Variants in CSMD2 observed in about 807,000 individuals in gnomAD.
CSMD2 encodes the protein CUB and sushi domain-containing protein 2.
In CSMD2, 130 loss-of-function variants were observed where a neutral mutation model predicts 398.5. The observed-to-expected ratio is 0.33, with a 90% confidence interval of 0.28 to 0.38. CSMD2 has a LOEUF of 0.38. Among genes scored for constraint, CSMD2 ranks in the 10% least tolerant of loss-of-function variants. The pLI, the probability that CSMD2 is intolerant of heterozygous loss-of-function variation, is 1.00. For missense variants in CSMD2, 3,829 were observed against 4,764.9 expected (o/e 0.80, Z 5.78); for synonymous variants, 1,828 against 1,908.5 (o/e 0.96, Z 1.10).
chr1:33,725,616 C>G (rs1646503991), intron 16 of CSMD2, 80 bp from the exon 17 acceptor site: 3 of 1,370,394 alleles, frequency 2.2e-6, no homozygotes, highest in Admixed American at 1.9e-5. Flanking sequence ...CTGCCTGACC[C>G]AGGGCTTCCG....
At chr1:34,113,973 G>A (rs1027412814) in intron 1 of CSMD2, among the ~76,000 whole-genome samples, 2 of 152,104 alleles carry the variant, frequency 1.3e-5, no homozygotes, top group East Asian at 1.9e-4. Flanking sequence ...CAGAGGGACC[G>A]GTTTCTGTCT....
chr1:33,605,824 A>G (rs747378462), intron 41 of CSMD2: 16 of 1,546,030 alleles, frequency 1.0e-5, no homozygotes, highest in Non-Finnish European at 1.1e-5. Context: ...GGGGCCAGGC[A>G]CCAGCCTAAC....
rs554629617 is a variant in CSMD2, at chr1:33,722,911, C to T, written c.3001+1286G>A. ...TGCTTGAGAATGCTTGAGGTATAGACGGTTTTTTTTTCTTTTGTTCCAATG... is the reference window on the plus strand; with the variant it reads ...TGCTTGAGAATGCTTGAGGTATAGATGGTTTTTTTTTCTTTTGTTCCAATG... On this transcript the variant is annotated intron_variant, in intron 19 of 70. Transcript: ENST00000373381. Among the ~76,000 whole-genome samples the T allele has an allele frequency of 5.3e-5, 8 of 152,098 alleles. No homozygotes were observed. In the South Asian group the frequency reaches 8.3e-4, roughly 16 times the overall value.
intron 2 of CSMD2, among the ~76,000 whole-genome samples, chr1:34,062,563 C>A (rs1570974363): frequency 6.6e-6 from 1 of 152,138 alleles, no homozygotes; most frequent in East Asian, 1.9e-4. Flanking sequence ...GAGGGAGGGG[C>A]TCCGGGGGCA....
chr1:33,730,452 A>C (rs1385202224), intron 15 of CSMD2, among the ~76,000 whole-genome samples: 1 of 152,210 alleles, frequency 6.6e-6, no homozygotes, highest in Non-Finnish European at 1.5e-5. Context: ...AGATTAAGCA[A>C]ATCAATAAAC....
intron 55 of CSMD2, among the ~76,000 whole-genome samples, chr1:33,554,636 A>G (rs945657806): frequency 1.6e-4 from 25 of 152,094 alleles, no homozygotes; most frequent in African/African-American, 6.0e-4. Context: ...TCATTTACCC[A>G]TTCTGAAAAT....
At chr1:34,020,369 G>C (rs1648705503) in intron 3 of CSMD2, among the ~76,000 whole-genome samples, 1 of 152,232 alleles carries the variant, frequency 6.6e-6, no homozygotes, top group Non-Finnish European at 1.5e-5. Context: ...TAAAGGTCTT[G>C]AGGGATAACA....
Position 33,569,522 on chromosome 1 carries a change from A to T in CSMD2, c.7983T>A (p.Ile2661=). The change falls in exon 52 of 71, where the codon ATT becomes ATA. Residue 2661 remains isoleucine (I), a synonymous_variant. Coordinates refer to ENST00000373381, the MANE Select transcript of CSMD2 (RefSeq NM_001281956.2). ...TTCCGATGCGGTGGCCATTGGGGGG[A>T]ATCGGGAGCTCTCCACAGGAGATGA... is the stretch of plus-strand genomic sequence containing the variant. ...CRIISCGELP[I]PPNGHRIGTL... is the part of the protein sequence containing the mutation. 6.2e-7 allele frequency: 1 copy of T among 1,613,954 alleles called. No individual in the cohort carries two copies. The highest frequency in any genetic ancestry group is 8.5e-7 in the Non-Finnish European group (1 of 1,179,972).
chr1:33,580,981 T>G (rs1638659608), intron 47 of CSMD2, 82 bp from the exon 48 acceptor site: 1 of 1,423,128 alleles, frequency 7.0e-7, no homozygotes, highest in Admixed American at 2.2e-5. Context: ...GCTCAGAGGG[T>G]GGGGTGACTT....
rs1256225657 is a variant in CSMD2 at position 33,577,393 on chromosome 1, G to A, written c.7479C>T (p.Cys2493=). The change falls in exon 49 of 71, where the codon TGC becomes TGT. Residue 2493 remains cysteine (C), a synonymous_variant. Transcript: ENST00000373381. ...TQPGGSIHFG[C]NAGYRLVGHS... is the part of the protein sequence containing the mutation. ...GTCCCACCAGGCGGTAGCCGGCGTT[G>A]CAGCCAAAGTGGATGGAGCCCCCGG... The A allele has an allele frequency of 5.6e-6, 9 of 1,614,058 alleles. No homozygotes were observed. The highest frequency in any genetic ancestry group is 6.8e-6 in the Non-Finnish European group (8 of 1,180,026).
intron 10 of CSMD2, among the ~76,000 whole-genome samples, chr1:33,798,066 T>C (rs1476509893): frequency 3.3e-5 from 5 of 152,186 alleles, no homozygotes; most frequent in Admixed American, 2.0e-4. Flanking sequence ...TAGTGCACAA[T>C]GTACTAGCAC....
intron 9 of CSMD2, among the ~76,000 whole-genome samples, 200 bp downstream of exon 9, chr1:33,819,513 G>A (rs1016419396): frequency 6.6e-6 from 1 of 152,168 alleles, no homozygotes; most frequent in Non-Finnish European, 1.5e-5. Context: ...CCCCATCTCT[G>A]TATCTCCTGA....
chr1:33,716,141 C>T (rs1646160006), intron 20 of CSMD2, 145 bp downstream of exon 20: 1 of 666,112 alleles, frequency 1.5e-6, no homozygotes, highest in South Asian at 1.9e-5. Context: ...ACCCAAGCAT[C>T]TTTTGCTGAA....
chr1:34,099,586 G>C (rs753878055), intron 1 of CSMD2, among the ~76,000 whole-genome samples: 14 of 152,214 alleles, frequency 9.2e-5, no homozygotes, highest in Admixed American at 2.6e-4. Flanking sequence ...AAGGAGTTCA[G>C]AACAGAGCCT....
chr1:33,626,055 C>T (rs142291566), intron 33 of CSMD2, among the ~76,000 whole-genome samples: 18 of 152,272 alleles, frequency 1.2e-4, no homozygotes, highest in African/African-American at 4.1e-4. Context: ...GAGCCTAGCT[C>T]GAAGGTGGGG....
At chr1:34,098,581 A>G (rs1659636659) in intron 1 of CSMD2, among the ~76,000 whole-genome samples, 1 of 152,078 alleles carries the variant, frequency 6.6e-6, no homozygotes, top group Non-Finnish European at 1.5e-5. Context: ...GTGGTCCAGG[A>G]GTAAACAGGT....
intron 3 of CSMD2, among the ~76,000 whole-genome samples, chr1:34,027,922 G>A (rs915390792): frequency 6.6e-6 from 1 of 152,180 alleles, no homozygotes; most frequent in African/African-American, 2.4e-5. Flanking sequence ...GGAGGAGGAG[G>A]AGGAGGTAAG....
At chr1:33,914,412 T>TGTGTGTG (rs1558095510) in intron 5 of CSMD2, among the ~76,000 whole-genome samples, 2 of 103,250 alleles carry the variant, frequency 1.9e-5, no homozygotes, top group African/African-American at 6.1e-5. Flanking sequence ...GTGTGTGTGT[T>TGTGTGTG]TGTGTGTATG....
At chr1:33,965,111 C>T (rs1436840530) in intron 3 of CSMD2, among the ~76,000 whole-genome samples, 2 of 152,210 alleles carry the variant, frequency 1.3e-5, no homozygotes, top group Non-Finnish European at 1.5e-5. Context: ...ATCAAGCTTC[C>T]CCTTGGTAAA....
Sources: allele counts gnomAD v4.1 joint callset (sites outside exome capture counted in the v4.1 genomes callset), GRCh38; gene constraint gnomAD v4.1.1; transcripts MANE v1.5; gene names NCBI Gene and HGNC (gene_info 2026-07-23, HGNC 2026-07-21).